PPARGC1B: variants seen among roughly 807,000 people sequenced by gnomAD.
PPARGC1B encodes the protein PPARG coactivator 1 beta.
Under a neutral mutation model 101.6 loss-of-function variants are expected in PPARGC1B, and 34 were observed. The ratio of observed to expected loss-of-function variants is 0.33; its 90% CI spans 0.25 to 0.45. PPARGC1B has a LOEUF of 0.45. Ranked by LOEUF, PPARGC1B falls within the 20% of genes least tolerant of loss-of-function variation. The probability of loss-of-function intolerance (pLI) is 1.00; values close to 1 mark genes in which losing one functional copy is unlikely to be tolerated. For missense variants in PPARGC1B, 1,234 were observed against 1,317.6 expected (o/e 0.94, Z 0.98); for synonymous variants, 548 against 539.3 (o/e 1.02, Z -0.22).
rs1392417167 is a variant in PPARGC1B, at chr5:149,837,586, G to C, written c.2618+513G>C. On this transcript the variant is annotated intron_variant, in intron 8 of 11. Transcript: ENST00000309241. The surrounding 1 kb of genome is among the most constrained non-coding windows in gnomAD (Gnocchi z 4.2). ...CTGAGTTGTGCTGTGGCTTTCACCA[G>C]TTGGCTGCCCCTCGAAGGGCTTTGA... Among the ~76,000 whole-genome samples, 1 of 152,218 alleles carries C rather than the reference G, an allele frequency of 6.6e-6. No individual in the cohort carries two copies. The highest frequency in any genetic ancestry group is 1.5e-5 in the Non-Finnish European group (1 of 68,048).
At chr5:149,800,037 GATAAAA>G (rs912382241) in intron 1 of PPARGC1B, among the ~76,000 whole-genome samples, 2 of 151,434 alleles carry the variant, frequency 1.3e-5, no homozygotes, top group African/African-American at 4.8e-5. Context: ...GCATGTATAT[GATAAAA>G]ATAAAAACCT....
intron 1 of PPARGC1B, among the ~76,000 whole-genome samples, chr5:149,777,826 C>CACACACACACACACAG (rs1305577059): frequency 8.6e-6 from 1 of 115,720 alleles, no homozygotes; most frequent in East Asian, 3.0e-4. Flanking sequence ...CACACACACA[C>CACACACACACACACAG]AGTATCCGGC....
intron 1 of PPARGC1B, among the ~76,000 whole-genome samples, chr5:149,789,321 CT>C (rs1263663038): frequency 1.3e-5 from 2 of 152,154 alleles, no homozygotes; most frequent in Non-Finnish European, 2.9e-5. Context: ...AAGATGGGGG[CT>C]TGCCTGGGAA....
chr5:149,801,395 T>C (rs1757425513), intron 1 of PPARGC1B, among the ~76,000 whole-genome samples: 1 of 152,160 alleles, frequency 6.6e-6, no homozygotes, highest in Non-Finnish European at 1.5e-5. Flanking sequence ...AGGAGATAAG[T>C]AGGCAAAGCC....
chr5:149,810,528 C>T (rs1222392162), intron 1 of PPARGC1B, among the ~76,000 whole-genome samples: 1 of 152,242 alleles, frequency 6.6e-6, no homozygotes, highest in African/African-American at 2.4e-5. Flanking sequence ...CAACGAGAGA[C>T]TTTGCAGATC....
At chr5:149,800,505 A>G (rs904823530) in intron 1 of PPARGC1B, among the ~76,000 whole-genome samples, 2 of 152,166 alleles carry the variant, frequency 1.3e-5, no homozygotes, top group Non-Finnish European at 2.9e-5. Flanking sequence ...CAGTTTCAGC[A>G]CTCTCTAGCT....
intron 1 of PPARGC1B, among the ~76,000 whole-genome samples, chr5:149,786,349 G>A (rs1756807059): frequency 6.6e-6 from 1 of 151,796 alleles, no homozygotes; most frequent in Non-Finnish European, 1.5e-5. Flanking sequence ...GCCTCCTTTG[G>A]CCTCCCAAAG....
At chr5:149,739,705 G>A (rs1279165273) in intron 1 of PPARGC1B, among the ~76,000 whole-genome samples, 1 of 152,138 alleles carries the variant, frequency 6.6e-6, no homozygotes, top group African/African-American at 2.4e-5. Context: ...TTGGATGGCC[G>A]TGGGACCCTG....
At chr5:149,743,820 T>C (rs1475848757) in intron 1 of PPARGC1B, among the ~76,000 whole-genome samples, 2 of 152,156 alleles carry the variant, frequency 1.3e-5, no homozygotes, top group Admixed American at 6.5e-5. Context: ...ACTATCAGAA[T>C]ACACCTCCAG....
In PPARGC1B at chr5:149,832,303, A is replaced by G. The variant is rs574549375; in HGVS notation, c.583-353A>G. Among the ~76,000 whole-genome samples the G allele has an allele frequency of 7.2e-4, 109 of 152,238 alleles. No homozygotes were observed. Among genetic ancestry groups the G allele is most frequent in the African/African-American group, 2.4e-3 (100 of 41,550 alleles). ...TGCTCATTTGTAGCAAGTCCTTCCT[A>G]CGCCCAGCTCCAGGCTACCATGAAC... On this transcript the variant is annotated intron_variant, in intron 4 of 11. Coordinates refer to ENST00000309241, the MANE Select transcript of PPARGC1B (RefSeq NM_133263.4). The surrounding 1 kb of genome is among the most constrained non-coding windows in gnomAD (Gnocchi z 4.9).
intron 1 of PPARGC1B, among the ~76,000 whole-genome samples, chr5:149,775,723 C>T (rs1288224448): frequency 6.6e-6 from 1 of 151,964 alleles, no homozygotes; most frequent in Non-Finnish European, 1.5e-5. Flanking sequence ...CCACACTCTT[C>T]CCTGTCCTAG....
chr5:149,795,605 G>A (rs1328354065), intron 1 of PPARGC1B, among the ~76,000 whole-genome samples: 1 of 152,152 alleles, frequency 6.6e-6, no homozygotes, highest in South Asian at 2.1e-4. Flanking sequence ...GAGTACAGGT[G>A]TGGATGCCAT....
At chr5:149,812,014 G>A (rs542589256) in intron 1 of PPARGC1B, among the ~76,000 whole-genome samples, 6 of 152,324 alleles carry the variant, frequency 3.9e-5, no homozygotes, top group South Asian at 4.1e-4. Flanking sequence ...CTGTGGGGTC[G>A]CCTTACTCCA....
At position 149,845,669 on chromosome 5, in the gene PPARGC1B, G is replaced by A. The variant is rs1581127253; in HGVS notation, c.2817-91G>A. 4 of 1,364,826 alleles carry A rather than the reference G, an allele frequency of 2.9e-6. No individual in the cohort carries two copies. In the East Asian group the frequency reaches 9.3e-5, roughly 32 times the overall value. 84.5% of individuals were successfully genotyped at this position (1,364,826 alleles called of 1,614,324 possible). A position where few individuals can be genotyped will look rare whatever the true frequency, so the allele number is the denominator to read the frequency against. On this transcript the variant is annotated intron_variant, in intron 10 of 11. Coordinates refer to ENST00000309241, the MANE Select transcript of PPARGC1B (RefSeq NM_133263.4). ...CACGTGATGTGGGTATCGAATCACT[G>A]TGGCAGTCGGTTCCTCATCTAGTAA...
chr5:149,802,583 C>T (rs533217073), intron 1 of PPARGC1B, among the ~76,000 whole-genome samples: 38 of 151,400 alleles, frequency 2.5e-4, no homozygotes, highest in African/African-American at 9.0e-4. Context: ...ACAGTTTGGA[C>T]AGCTGTTACC....
rs1207298674 is a variant in PPARGC1B, at chr5:149,832,110, C to T, written c.583-546C>T. On this transcript the variant is annotated intron_variant, in intron 4 of 11. Coordinates refer to ENST00000309241, the MANE Select transcript of PPARGC1B (RefSeq NM_133263.4). This position sits in a 1 kb window ranked among gnomAD's most constrained non-coding sequence, Gnocchi z 4.9. ...TCACTTGAGCTCAGGAGTTCAAGAC[C>T]AGCCTGGCCAACGTGGTGAAACCTT... 2.0e-5 allele frequency among the ~76,000 whole-genome samples: 3 copies of T among 151,926 alleles called. No homozygotes were observed. Among genetic ancestry groups the T allele is most frequent in the African/African-American group, 7.3e-5 (3 of 41,354 alleles).
intron 1 of PPARGC1B, among the ~76,000 whole-genome samples, chr5:149,734,864 T>A (rs1207363312): frequency 6.6e-6 from 1 of 152,216 alleles, no homozygotes. Flanking sequence ...TTCTTCCCCA[T>A]ATGATCATGG....
chr5:149,836,479 C>T lies in PPARGC1B; in HGVS notation c.2024C>T (p.Pro675Leu), dbSNP rs752192083. Reference sequence around the variant, plus strand: ...CACCTGCGACATGCCACAGCCCAGCCAGCCTCCCAGGCTGGCCAGAAGCGT... The same window carrying T: ...CACCTGCGACATGCCACAGCCCAGCTAGCCTCCCAGGCTGGCCAGAAGCGT... ...LSHLRHATAQ[P>L]ASQAGQKRPF... The change falls in exon 8 of 12, where the codon CCA becomes CTA. Residue 675 changes from proline (P) to leucine (L), a missense_variant. By Grantham distance (98) the Pro-to-Leu change is moderately conservative. Coordinates refer to ENST00000309241, the MANE Select transcript of PPARGC1B (RefSeq NM_133263.4). 5 of 1,614,036 alleles carry T rather than the reference C, an allele frequency of 3.1e-6. No homozygotes were observed. The Admixed American group carries it at 6.7e-5, about 22-fold the overall frequency.
At chr5:149,777,871 C>A (rs1209457225) in intron 1 of PPARGC1B, among the ~76,000 whole-genome samples, 2 of 116,556 alleles carry the variant, frequency 1.7e-5, no homozygotes, top group East Asian at 2.6e-4. Flanking sequence ...CCCCTCCCCC[C>A]CCACCACAGA....
Sources: gnomAD v4.1 joint callset for allele counts (sites outside exome capture counted in the v4.1 genomes callset) on GRCh38, gnomAD v4.1.1 for gene constraint, Gnocchi (gnomAD v3.1) non-coding constraint, MANE v1.5 for transcripts, NCBI Gene and HGNC (gene_info 2026-07-23, HGNC 2026-07-21) for gene names.